The following CNOT2 variants were observed in gnomAD, a reference collection of about 807,000 sequenced individuals.
The protein encoded by CNOT2 is CCR4-NOT transcription complex subunit 2.
CNOT2 carries 7 observed loss-of-function variants against 72.1 expected under a neutral mutation model. The observed-to-expected ratio is 0.10, with a 90% confidence interval of 0.06 to 0.18. The LOEUF (loss-of-function observed/expected upper bound fraction) is 0.18, where lower values mean the gene tolerates loss of function less well. CNOT2 is among the 10% of genes least tolerant of loss of function. The pLI, the probability that CNOT2 is intolerant of heterozygous loss-of-function variation, is 1.00. For synonymous variants in CNOT2, 196 were observed against 225.6 expected (o/e 0.87, Z 1.17); for missense variants, 345 against 660.3 (o/e 0.52, Z 5.23).
intron 4 of CNOT2, among the ~76,000 whole-genome samples, chr12:70,324,956 A>G (rs1166806481): frequency 6.6e-6 from 1 of 151,532 alleles, no homozygotes; most frequent in African/African-American, 2.4e-5. Context: ...CTCCAGGAAA[A>G]TTTTTCTGCT....
At chr12:70,331,305 C>T (rs1193560165) in intron 6 of CNOT2, 1 of 151,732 alleles carries the variant, frequency 6.6e-6, no homozygotes, top group Non-Finnish European at 1.5e-5. Flanking sequence ...TCCATAAACT[C>T]CAGGTTTTGC....
chr12:70,276,153 G>T (rs1404123), intron 1 of CNOT2, among the ~76,000 whole-genome samples: 146,669 of 152,076 alleles, frequency 0.96, 70,760 homozygotes, highest in East Asian at 1. Flanking sequence ...AAGTGAACTT[G>T]TATCTGGTAA....
At chr12:70,311,086 A>C in intron 3 of CNOT2, 69 bp downstream of exon 3, 2 of 1,105,704 alleles carry the variant, frequency 1.8e-6, no homozygotes, top group Non-Finnish European at 2.7e-6. Flanking sequence ...GAAAAACAGC[A>C]TATCAAGTGC....
At chr12:70,257,049 T>G (rs2135721375) in intron 1 of CNOT2, among the ~76,000 whole-genome samples, 1 of 152,326 alleles carries the variant, frequency 6.6e-6, no homozygotes, top group East Asian at 1.9e-4. Context: ...TTTTTACTTT[T>G]ATAAATAGCA....
intron 11 of CNOT2, among the ~76,000 whole-genome samples, chr12:70,339,731 C>T (rs1881239705): frequency 6.6e-6 from 1 of 152,132 alleles, no homozygotes; most frequent in Non-Finnish European, 1.5e-5. Context: ...TACACTTCTG[C>T]ATGCCCCTAA....
chr12:70,315,536 T>C (rs1877189335), intron 3 of CNOT2, among the ~76,000 whole-genome samples: 1 of 152,192 alleles, frequency 6.6e-6, no homozygotes, highest in African/African-American at 2.4e-5. Flanking sequence ...GGAATTTTTA[T>C]TTAACAAAAT....
At chr12:70,348,931 T>G (rs1222581392) in intron 15 of CNOT2, among the ~76,000 whole-genome samples, 8 of 152,156 alleles carry the variant, frequency 5.3e-5, no homozygotes, top group African/African-American at 1.9e-4. Flanking sequence ...ATCTTTAAAT[T>G]TTTTAACTGT....
Position 70,261,305 on chromosome 12 carries a change from C to CTTTTTTTTTTTTTTTT in CNOT2, c.-95-16815_-95-16800dup, listed in dbSNP as rs71437141. Among the ~76,000 whole-genome samples, 29 of 43,356 alleles carry CTTTTTTTTTTTTTTTT rather than the reference C, an allele frequency of 6.7e-4. 5 individuals carry two copies. The highest frequency in any genetic ancestry group is 3.9e-3 in the East Asian group (3 of 760). The allele number at this position is 43,356 out of a possible 152,430, so 28.4% of individuals were successfully genotyped here. ...ATCTTTGTGCCTATTTTCTTTCTTT[C>CTTTTTTTTTTTTTTTT]TTTTTTTTTTTTTTTTTTTTTTTTT... On this transcript the variant is annotated intron_variant, in intron 1 of 15. Coordinates refer to ENST00000229195, the MANE Select transcript of CNOT2 (RefSeq NM_014515.7).
At chr12:70,250,412 T>C (rs1423300721) in intron 1 of CNOT2, among the ~76,000 whole-genome samples, 2 of 152,160 alleles carry the variant, frequency 1.3e-5, no homozygotes, top group Admixed American at 6.5e-5. Context: ...GCACTCTAGA[T>C]GTTTTCAAGT....
chr12:70,266,295 G>C (rs1959040737), intron 1 of CNOT2, among the ~76,000 whole-genome samples: 1 of 151,936 alleles, frequency 6.6e-6, no homozygotes, highest in South Asian at 2.1e-4. Context: ...AGCTAATTTT[G>C]TATTTTTAGC....
At chr12:70,259,691 G>A (rs977555519) in intron 1 of CNOT2, among the ~76,000 whole-genome samples, 1 of 152,070 alleles carries the variant, frequency 6.6e-6, no homozygotes, top group African/African-American at 2.4e-5. Flanking sequence ...CACTTCTGTT[G>A]GATATTGTTT....
intron 9 of CNOT2, 35 bp downstream of exon 9, chr12:70,337,548 A>C: frequency 6.3e-7 from 1 of 1,597,514 alleles, no homozygotes. Flanking sequence ...TGAGTGATGT[A>C]GTTTTTCCCT....
At chr12:70,304,330 G>GT (rs1345968720) in intron 2 of CNOT2, among the ~76,000 whole-genome samples, 1 of 151,568 alleles carries the variant, frequency 6.6e-6, no homozygotes, top group Non-Finnish European at 1.5e-5. Context: ...CATCTTTGTG[G>GT]TTTTATCTAC....
intron 2 of CNOT2, among the ~76,000 whole-genome samples, chr12:70,281,541 C>T (rs1234970387): frequency 6.6e-6 from 1 of 152,176 alleles, no homozygotes; most frequent in Admixed American, 6.5e-5. Flanking sequence ...TGCTTTTAAT[C>T]TCCCTGCCAT....
At chr12:70,244,942 A>G (rs1188866290) in intron 1 of CNOT2, among the ~76,000 whole-genome samples, 1 of 152,238 alleles carries the variant, frequency 6.6e-6, no homozygotes, top group Admixed American at 6.5e-5. Context: ...AGAATAAAGT[A>G]TGGGGTGAGG....
intron 1 of CNOT2, among the ~76,000 whole-genome samples, chr12:70,273,957 T>A (rs140812815): frequency 1.1e-3 from 174 of 152,198 alleles, no homozygotes; most frequent in African/African-American, 4.0e-3. Flanking sequence ...TTCAATAGAT[T>A]ATTGTTAAGT....
At chr12:70,288,928 A>G (rs1871379344) in intron 2 of CNOT2, among the ~76,000 whole-genome samples, 1 of 152,048 alleles carries the variant, frequency 6.6e-6, no homozygotes, top group Non-Finnish European at 1.5e-5. Context: ...ATCATTCATA[A>G]TGGAATAGGT....
rs189695993 is a variant in CNOT2 at position 70,305,047 on chromosome 12, C to T, written c.49-5848C>T. ...GTGCAGTATTAGGGTGGGAGTGACCCGATTTTCCAGGTGCCATTCGTCACC... is the reference window on the plus strand; with the variant it reads ...GTGCAGTATTAGGGTGGGAGTGACCTGATTTTCCAGGTGCCATTCGTCACC... On this transcript the variant is annotated intron_variant, in intron 2 of 15. Coordinates refer to ENST00000229195, the MANE Select transcript of CNOT2 (RefSeq NM_014515.7). Among the ~76,000 whole-genome samples the T allele has an allele frequency of 8.5e-5, 13 of 152,294 alleles. No individual in the cohort carries two copies. In the East Asian group the frequency reaches 1.5e-3, roughly 18 times the overall value.
chr12:70,269,290 C>CT (rs373858702), intron 1 of CNOT2, among the ~76,000 whole-genome samples: 211 of 139,402 alleles, frequency 1.5e-3, no homozygotes, highest in Middle Eastern at 7.4e-3. Flanking sequence ...TTTTTTTAAG[C>CT]TTTTTTTTTT....
Sources: gnomAD v4.1 joint callset for allele counts (sites outside exome capture counted in the v4.1 genomes callset) on GRCh38, gnomAD v4.1.1 for gene constraint, MANE v1.5 for transcripts, NCBI Gene and HGNC (gene_info 2026-07-23, HGNC 2026-07-21) for gene names.